The following NLRP11 variants were observed in gnomAD, a reference collection of about 807,000 sequenced individuals.
The protein encoded by NLRP11 is NLR family pyrin domain containing 11, also known as NACHT, LRR and PYD domains-containing protein 11.
Under a neutral mutation model 79.3 loss-of-function variants are expected in NLRP11, and 53 were observed. The observed-to-expected ratio is 0.67, with a 90% CI of 0.54 to 0.84. The LOEUF is 0.84. Among genes scored for constraint, NLRP11 ranks in the 40% least tolerant of loss-of-function variants. The pLI is 0.00. For synonymous variants in NLRP11, 518 were observed against 462.6 expected (o/e 1.12, Z -1.54); for missense variants, 1,264 against 1,255.0 (o/e 1.01, Z -0.11).
chr19:55,792,437 T>C (rs750753378), exon 7 of NLRP11: 2 of 1,614,152 alleles, frequency 1.2e-6, no homozygotes, highest in Non-Finnish European at 1.7e-6. Context: ...CCAAGGGCGC[T>C]GCAGCAATTT....
Position 55,818,081 on chromosome 19 carries a change from G to A in NLRP11, c.94C>T (p.Arg32Cys), listed in dbSNP as rs76935241. 7,515 of 1,613,630 alleles carry A rather than the reference G, an allele frequency of 4.7e-3. 170 individuals are homozygous for A. The East Asian group carries it at 0.071, about 15-fold the overall frequency. Residue 32 changes from arginine to cysteine, a missense_variant, in exon 2 of 10, where the codon CGC becomes TGC. Transcript: ENST00000589093. ...GGCAGTTTGAAATCAAGAATCTTGC[G>A]TGCCAGATACTTCTTAAAACTCTGA...
chr19:55,800,658 G>A (rs375273759), intron 5 of NLRP11, among the ~76,000 whole-genome samples: 6 of 152,276 alleles, frequency 3.9e-5, no homozygotes, highest in East Asian at 1.9e-4. Flanking sequence ...GAAGATTTAA[G>A]TATGTTTAGG....
upstream of NLRP11, among the ~76,000 whole-genome samples, chr19:55,835,321 G>C (rs1381753555): frequency 6.6e-6 from 1 of 152,226 alleles, no homozygotes; most frequent in African/African-American, 2.4e-5. Flanking sequence ...GGAAAACCAT[G>C]CCCAATGATG....
chr19:55,830,138 G>A (rs1360526783), intron 1 of NLRP11, among the ~76,000 whole-genome samples: 1 of 152,120 alleles, frequency 6.6e-6, no homozygotes, highest in African/African-American at 2.4e-5. Context: ...TAACACAAGT[G>A]TTTTCTTCTT....
intron 6 of NLRP11, among the ~76,000 whole-genome samples, chr19:55,793,071 G>A (rs1978432375): frequency 1.3e-5 from 2 of 151,904 alleles, no homozygotes; most frequent in South Asian, 4.2e-4. Flanking sequence ...TAGAGATGGG[G>A]GTCTCACTGT....
exon 7 of NLRP11, chr19:55,792,374 G>A (rs770648377): frequency 3.1e-6 from 5 of 1,613,966 alleles, no homozygotes; most frequent in African/African-American, 2.7e-5. Flanking sequence ...TTTTTTAAGC[G>A]ATTCACACAC....
At chr19:55,814,881 C>T (rs1331402807) in intron 2 of NLRP11, among the ~76,000 whole-genome samples, 4 of 152,194 alleles carry the variant, frequency 2.6e-5, no homozygotes, top group Non-Finnish European at 5.9e-5. Context: ...GACTGGCACA[C>T]GGCCCAGGAA....
At chr19:55,803,784 G>T (rs1214179440) in intron 4 of NLRP11, among the ~76,000 whole-genome samples, 1 of 151,874 alleles carries the variant, frequency 6.6e-6, no homozygotes, top group Non-Finnish European at 1.5e-5. Context: ...TACGATTTAA[G>T]AATCAAAAAA....
intron 1 of NLRP11, among the ~76,000 whole-genome samples, chr19:55,822,633 A>C (rs998752382): frequency 6.6e-6 from 1 of 152,088 alleles, no homozygotes; most frequent in Non-Finnish European, 1.5e-5. Flanking sequence ...TCCCTTTCCG[A>C]GTCAAAGAAA....
intron 5 of NLRP11, among the ~76,000 whole-genome samples, chr19:55,799,061 G>C (rs1979221269): frequency 1.3e-5 from 2 of 152,106 alleles, no homozygotes; most frequent in South Asian, 4.1e-4. Flanking sequence ...GAGGTCAGGA[G>C]TTTGAGACCA....
rs879052740 is a variant in NLRP11, at chr19:55,809,509, A to C, written c.1101T>G (p.Thr367=). 2 of 1,614,154 alleles carry C rather than the reference A, an allele frequency of 1.2e-6. No individual in the cohort carries two copies. Among genetic ancestry groups the C allele is most frequent in the South Asian group, 2.2e-5 (2 of 91,080 alleles). The change falls in exon 3 of 10, where the codon ACT becomes ACG. Residue 367 remains threonine (T), a synonymous_variant. Transcript: ENST00000589093. The surrounding 1 kb of genome is among the most constrained non-coding windows in gnomAD (Gnocchi z 4.5). ...CAGCAAGAAAGTGGGCATGTAGATCAGTGGGTGTTTGGCAGCAGAGCTGGA... is the reference window on the plus strand; with the variant it reads ...CAGCAAGAAAGTGGGCATGTAGATCCGTGGGTGTTTGGCAGCAGAGCTGGA...
At chr19:55,806,330 T>C (rs1404779125) in intron 4 of NLRP11, among the ~76,000 whole-genome samples, 1 of 152,234 alleles carries the variant, frequency 6.6e-6, no homozygotes, top group African/African-American at 2.4e-5. Flanking sequence ...ATCACAGCTT[T>C]AGCTCAAACA....
intron 6 of NLRP11, among the ~76,000 whole-genome samples, chr19:55,793,196 T>TA (rs1181049885): frequency 6.6e-6 from 1 of 152,178 alleles, no homozygotes; most frequent in South Asian, 2.1e-4. Context: ...CTATTTTTTT[T>TA]AACCCGTTTT....
chr19:55,831,598 C>T (rs1982793710), intron 1 of NLRP11, among the ~76,000 whole-genome samples: 1 of 152,092 alleles, frequency 6.6e-6, no homozygotes, highest in African/African-American at 2.4e-5. Flanking sequence ...CTTTTCATCT[C>T]TAACACTTTA....
intron 1 of NLRP11, among the ~76,000 whole-genome samples, chr19:55,831,667 A>T (rs1408020820): frequency 1.3e-5 from 2 of 152,120 alleles, no homozygotes; most frequent in Non-Finnish European, 2.9e-5. Context: ...TTAGGTTTAA[A>T]CACTCCACCC....
exon 10 of NLRP11, chr19:55,785,518 C>T (rs1453028038): frequency 2.1e-6 from 2 of 969,540 alleles, no homozygotes; most frequent in East Asian, 5.0e-5. Flanking sequence ...CACACACACA[C>T]ACACACACAC....
chr19:55,822,581 C>T (rs1174380947), intron 1 of NLRP11, among the ~76,000 whole-genome samples: 8 of 152,032 alleles, frequency 5.3e-5, no homozygotes, highest in Non-Finnish European at 8.8e-5. Flanking sequence ...CGAAGCAGGG[C>T]GAGGCATTGC....
intron 6 of NLRP11, 60 bp downstream of exon 6, chr19:55,796,020 T>C: frequency 2.1e-6 from 3 of 1,442,288 alleles, no homozygotes. Flanking sequence ...TTTGATCATG[T>C]GCTTAGATAT....
At chr19:55,790,935 G>C (rs1393772060) in intron 7 of NLRP11, among the ~76,000 whole-genome samples, 2 of 152,176 alleles carry the variant, frequency 1.3e-5, no homozygotes, top group African/African-American at 4.8e-5. Flanking sequence ...GCTTTGGGTA[G>C]GTGATAGACA....
Sources: gnomAD v4.1 joint callset for allele counts (sites outside exome capture counted in the v4.1 genomes callset) on GRCh38, gnomAD v4.1.1 for gene constraint, Gnocchi (gnomAD v3.1) non-coding constraint, MANE v1.5 for transcripts, NCBI Gene and HGNC (gene_info 2026-07-23, HGNC 2026-07-21) for gene names.